ZCCHC17: variants seen among roughly 807,000 people sequenced by gnomAD.
ZCCHC17 encodes the protein zinc finger CCHC domain-containing protein 17.
A neutral mutation model predicts 30.6 loss-of-function variants in ZCCHC17; 18 were observed. That is an observed-to-expected ratio of 0.59 (90% CI 0.41 to 0.87). ZCCHC17 has a LOEUF of 0.87. ZCCHC17 is among the 40% of genes least tolerant of loss of function. The probability of loss-of-function intolerance (pLI) is 0.00; values close to 1 mark genes in which losing one functional copy is unlikely to be tolerated. For missense variants in ZCCHC17, 263 were observed against 284.2 expected (o/e 0.93, Z 0.54); for synonymous variants, 88 against 92.4 (o/e 0.95, Z 0.27).
At chr1:31,298,838 G>T (rs1436095028) in intron 1 of ZCCHC17, among the ~76,000 whole-genome samples, 2 of 152,218 alleles carry the variant, frequency 1.3e-5, no homozygotes, top group East Asian at 3.9e-4. Flanking sequence ...TGAGCCATAG[G>T]TGTGGGTAAG....
intron 3 of ZCCHC17, among the ~76,000 whole-genome samples, chr1:31,324,577 C>T (rs1158520443): frequency 1.3e-5 from 2 of 152,252 alleles, no homozygotes; most frequent in African/African-American, 2.4e-5. Flanking sequence ...TCCAAGCTCC[C>T]GGCTCCTGCT....
intron 7 of ZCCHC17, among the ~76,000 whole-genome samples, chr1:31,362,082 T>C (rs1041568782): frequency 1.3e-5 from 2 of 152,214 alleles, no homozygotes; most frequent in African/African-American, 4.8e-5. Context: ...AGTGCTGGGA[T>C]TACAGGCATG....
intron 7 of ZCCHC17, among the ~76,000 whole-genome samples, chr1:31,349,628 C>A (rs973758215): frequency 6.6e-6 from 1 of 152,144 alleles, no homozygotes; most frequent in Admixed American, 6.5e-5. Flanking sequence ...CCACGACACC[C>A]GTCCACTTTT....
intron 3 of ZCCHC17, among the ~76,000 whole-genome samples, chr1:31,327,427 A>G (rs546268471): frequency 2.0e-5 from 3 of 152,188 alleles, no homozygotes; most frequent in South Asian, 2.1e-4. Context: ...AGTAGTCCCC[A>G]CTCATCTGTG....
chr1:31,315,468 G>A (rs1021963798), intron 2 of ZCCHC17, among the ~76,000 whole-genome samples: 2 of 152,124 alleles, frequency 1.3e-5, no homozygotes, highest in Non-Finnish European at 2.9e-5. Flanking sequence ...ATGGTAGGAG[G>A]TACGAGCATA....
intron 7 of ZCCHC17, among the ~76,000 whole-genome samples, chr1:31,358,205 C>T (rs757897795): frequency 5.3e-5 from 8 of 150,898 alleles, no homozygotes; most frequent in South Asian, 2.1e-4. Flanking sequence ...ACATTAAGGA[C>T]GCCAGTGTGG....
At chr1:31,321,704 T>A (rs1288070290) in intron 3 of ZCCHC17, among the ~76,000 whole-genome samples, 1 of 152,202 alleles carries the variant, frequency 6.6e-6, no homozygotes, top group Non-Finnish European at 1.5e-5. Context: ...TGTCCTCCAG[T>A]AATCTGCCCT....
At chr1:31,335,690 T>C (rs1340912621) in intron 3 of ZCCHC17, among the ~76,000 whole-genome samples, 2 of 152,234 alleles carry the variant, frequency 1.3e-5, no homozygotes, top group African/African-American at 4.8e-5. Context: ...ATTATTTTTA[T>C]TAAATGTGTA....
At chr1:31,357,137 T>C (rs1639673552) in intron 7 of ZCCHC17, among the ~76,000 whole-genome samples, 2 of 152,228 alleles carry the variant, frequency 1.3e-5, no homozygotes, top group Non-Finnish European at 2.9e-5. Flanking sequence ...TTTTACCATA[T>C]GATTTTCTGC....
At chr1:31,350,811 A>C (rs545004984) in intron 7 of ZCCHC17, among the ~76,000 whole-genome samples, 312 of 152,232 alleles carry the variant, frequency 2.0e-3, no homozygotes, top group Non-Finnish European at 3.6e-3. Context: ...CATGTTGGCC[A>C]GGGTGGTCTC....
At chr1:31,349,056 A>G (rs555752944) in intron 7 of ZCCHC17, 82 bp downstream of exon 7, 3 of 1,459,522 alleles carry the variant, frequency 2.1e-6, no homozygotes, top group South Asian at 2.9e-5. Context: ...GCAGCAGTAC[A>G]CACCTGTAGT....
At chr1:31,323,895 C>G (rs1476864781) in intron 3 of ZCCHC17, among the ~76,000 whole-genome samples, 1 of 152,082 alleles carries the variant, frequency 6.6e-6, no homozygotes, top group Non-Finnish European at 1.5e-5. Context: ...TCCAGAAATT[C>G]TTTGAAGAAT....
chr1:31,313,831 C>T (rs1046225785), intron 2 of ZCCHC17, among the ~76,000 whole-genome samples: 3 of 152,050 alleles, frequency 2.0e-5, no homozygotes, highest in African/African-American at 4.8e-5. Flanking sequence ...TCCTAACCTA[C>T]AGCTCGCTCT....
chr1:31,316,747 GT>G (rs1646742979), intron 2 of ZCCHC17, among the ~76,000 whole-genome samples: 1 of 152,092 alleles, frequency 6.6e-6, no homozygotes, highest in African/African-American at 2.4e-5. Context: ...CTGTGTGATT[GT>G]ACTGTTTCTT....
chr1:31,355,646 A>G (rs1024572198), intron 7 of ZCCHC17, among the ~76,000 whole-genome samples: 1 of 152,166 alleles, frequency 6.6e-6, no homozygotes, highest in Non-Finnish European at 1.5e-5. Context: ...TCAATTATTC[A>G]TTTACTGAAC....
chr1:31,352,523 G>A (rs904922639), intron 7 of ZCCHC17, among the ~76,000 whole-genome samples: 6 of 152,144 alleles, frequency 3.9e-5, no homozygotes, highest in African/African-American at 7.2e-5. Flanking sequence ...TTGTGCTGTT[G>A]CCCGGGCTGG....
intron 2 of ZCCHC17, among the ~76,000 whole-genome samples, chr1:31,315,981 AT>A (rs1646722731): frequency 6.6e-6 from 1 of 152,248 alleles, no homozygotes. Flanking sequence ...AAGGTCTATT[AT>A]ATTACCTCTA....
chr1:31,343,071 G>A (rs1010474537), intron 5 of ZCCHC17, among the ~76,000 whole-genome samples: 6 of 152,030 alleles, frequency 3.9e-5, no homozygotes, highest in Admixed American at 3.9e-4. Flanking sequence ...TAAAGAATAT[G>A]AATTTTTATT....
At chr1:31,328,021 C>T (rs115224156) in intron 3 of ZCCHC17, among the ~76,000 whole-genome samples, 2 of 151,926 alleles carry the variant, frequency 1.3e-5, no homozygotes, top group Admixed American at 6.5e-5. Context: ...GGAAAGAAAA[C>T]GTAATCCTGT....
Sources: allele counts gnomAD v4.1 joint callset (sites outside exome capture counted in the v4.1 genomes callset), GRCh38; gene constraint gnomAD v4.1.1; transcripts MANE v1.5; gene names NCBI Gene and HGNC (gene_info 2026-07-23, HGNC 2026-07-21).